Variants in MACROD2 observed in about 807,000 individuals in gnomAD.
MACROD2 encodes ADP-ribose glycohydrolase MACROD2.
In MACROD2, 36 loss-of-function variants were observed where a neutral mutation model predicts 70.4. The ratio of observed to expected loss-of-function variants is 0.51; its 90% confidence interval spans 0.39 to 0.68. The LOEUF is 0.68. Ranked by LOEUF, MACROD2 falls within the 30% of genes least tolerant of loss-of-function variation. The pLI, the probability that MACROD2 is intolerant of heterozygous loss-of-function variation, is 0.00. For missense variants in MACROD2, 496 were observed against 538.4 expected (o/e 0.92, Z 0.78); for synonymous variants, 172 against 178.8 (o/e 0.96, Z 0.30).
intron 5 of MACROD2, among the ~76,000 whole-genome samples, chr20:14,960,616 G>A (rs1483499146): frequency 6.6e-6 from 1 of 152,026 alleles, no homozygotes; most frequent in African/African-American, 2.4e-5. Flanking sequence ...TCAATTCTCA[G>A]CCTAGATCCA....
At chr20:16,003,348 C>CTGTGTGTGTG (rs11472125) in intron 15 of MACROD2, among the ~76,000 whole-genome samples, 1 of 150,360 alleles carries the variant, frequency 6.7e-6, no homozygotes, top group Admixed American at 6.6e-5. Flanking sequence ...AGTTTGAACC[C>CTGTGTGTGTG]TGTGTGTGTG....
chr20:15,111,164 TTTGTTTTTGTTTG>T (rs963072493), intron 5 of MACROD2, among the ~76,000 whole-genome samples: 24 of 111,730 alleles, frequency 2.1e-4, no homozygotes, highest in African/African-American at 7.9e-4. Flanking sequence ...TTTTTGTTTG[TTTGTTTTTGTTTG>T]TTTTTTTTTT....
intron 5 of MACROD2, among the ~76,000 whole-genome samples, chr20:15,131,786 A>T (rs1027628225): frequency 6.6e-6 from 1 of 152,058 alleles, no homozygotes; most frequent in African/African-American, 2.4e-5. Flanking sequence ...GAGGCAATCC[A>T]TGTAGAAGCT....
rs536484152 is a variant in MACROD2 at position 15,657,601 on chromosome 20, T to G, written c.645+157754T>G. Among the ~76,000 whole-genome samples, 4 of 152,260 alleles carry G rather than the reference T, an allele frequency of 2.6e-5. No homozygotes were observed. In the South Asian group the frequency reaches 8.3e-4, roughly 32 times the overall value. The stretch of plus-strand genomic sequence containing the variant: ...TAAAAATGTATGTGAAGATCAAAAT[T>G]TATATTGTGCTTAATGATTAAATGG... On this transcript the variant is annotated intron_variant, in intron 8 of 17. Transcript: ENST00000684519.
At chr20:15,958,657 G>C (rs1449638022) in intron 12 of MACROD2, among the ~76,000 whole-genome samples, 1 of 152,186 alleles carries the variant, frequency 6.6e-6, no homozygotes, top group Non-Finnish European at 1.5e-5. Flanking sequence ...GCATATGTCA[G>C]TGCTGTGGAC....
intron 5 of MACROD2, among the ~76,000 whole-genome samples, chr20:14,868,188 C>CT (rs202237692): frequency 0.014 from 1,996 of 144,066 alleles, 51 homozygotes; most frequent in African/African-American, 0.045. Flanking sequence ...TTTTTTCTTT[C>CT]TTTCTTTTTT....
At chr20:14,003,609 C>T (rs2052767290) in intron 2 of MACROD2, 7 of 448,526 alleles carry the variant, frequency 1.6e-5, no homozygotes, top group Non-Finnish European at 1.3e-5. Context: ...TCATGGAACC[C>T]AAAGATGATT....
intron 6 of MACROD2, among the ~76,000 whole-genome samples, chr20:15,335,432 T>C (rs899118027): frequency 6.6e-6 from 1 of 151,654 alleles, no homozygotes; most frequent in African/African-American, 2.4e-5. Flanking sequence ...TCTTTATGTC[T>C]GTTAAAATAC....
chr20:14,083,917 C>T (rs1021526831), intron 2 of MACROD2, among the ~76,000 whole-genome samples: 12 of 151,650 alleles, frequency 7.9e-5, no homozygotes, highest in Non-Finnish European at 1.5e-4. Flanking sequence ...AAAAACTAGC[C>T]GGGCCTGGTG....
intron 5 of MACROD2, among the ~76,000 whole-genome samples, chr20:14,723,124 C>G (rs1432213201): frequency 6.6e-6 from 1 of 152,074 alleles, no homozygotes; most frequent in Non-Finnish European, 1.5e-5. Context: ...GTCATTCCAG[C>G]ACATACACAA....
At chr20:14,623,087 C>A (rs1983925243) in intron 4 of MACROD2, 1 of 151,644 alleles carries the variant, frequency 6.6e-6, no homozygotes, top group Non-Finnish European at 1.5e-5. Context: ...GCCACAGCCC[C>A]TTGTTTTGAT....
chr20:15,060,563 C>A (rs1568554073), intron 5 of MACROD2, among the ~76,000 whole-genome samples: 1 of 152,086 alleles, frequency 6.6e-6, no homozygotes, highest in Non-Finnish European at 1.5e-5. Context: ...GGTGACTTCC[C>A]CCATCTTCCA....
At chr20:15,770,845 A>G (rs111439195) in intron 8 of MACROD2, among the ~76,000 whole-genome samples, 140 of 152,206 alleles carry the variant, frequency 9.2e-4, no homozygotes, top group African/African-American at 3.1e-3. Context: ...CTGGCAAACA[A>G]TACAAACATA....
Position 15,030,534 on chromosome 20 carries a change from C to T in MACROD2, c.419-199406C>T, listed in dbSNP as rs559471077. ...CTAGTTGCCCCAGCAGTCACCTGCCCAGCTGCATACTATTTTATTGGCATC... is the reference window on the plus strand; with the variant it reads ...CTAGTTGCCCCAGCAGTCACCTGCCTAGCTGCATACTATTTTATTGGCATC... On this transcript the variant is annotated intron_variant, in intron 5 of 17. Coordinates refer to ENST00000684519, the MANE Select transcript of MACROD2 (RefSeq NM_001351661.2). Among the ~76,000 whole-genome samples, 51 of 152,294 alleles carry T rather than the reference C, an allele frequency of 3.3e-4. 1 individual carries two copies. The South Asian group carries it at 6.6e-3, about 20-fold the overall frequency.
chr20:14,975,524 G>A (rs554931017), intron 5 of MACROD2, among the ~76,000 whole-genome samples: 1 of 152,076 alleles, frequency 6.6e-6, no homozygotes, highest in Non-Finnish European at 1.5e-5. Context: ...ATTTGCTTGA[G>A]GACAGAGAGA....
rs994554869 is a variant in MACROD2, at chr20:14,805,120, C to A, written c.418+120161C>A. Among the ~76,000 whole-genome samples, 4 of 151,888 alleles carry A rather than the reference C, an allele frequency of 2.6e-5. 1 individual carries two copies. The highest frequency in any genetic ancestry group is 5.9e-5 in the Non-Finnish European group (4 of 67,948). On this transcript the variant is annotated intron_variant, in intron 5 of 17. Transcript: ENST00000684519. ...AGGGGAGAGAGTTCATTGCTTCTAC[C>A]AGATTCTCAAAGGGAAATATGAAAT...
intron 3 of MACROD2, among the ~76,000 whole-genome samples, chr20:14,142,540 G>T (rs1034521243): frequency 1.3e-5 from 2 of 152,108 alleles, no homozygotes; most frequent in African/African-American, 4.8e-5. Context: ...CTAGATGCCC[G>T]AGCTGTATGT....
At chr20:14,037,573 A>G (rs1446037724) in intron 2 of MACROD2, among the ~76,000 whole-genome samples, 1 of 152,188 alleles carries the variant, frequency 6.6e-6, no homozygotes, top group Non-Finnish European at 1.5e-5. Flanking sequence ...AAAGGAATGG[A>G]TATTTTATTT....
At chr20:14,833,197 G>A (rs1268663261) in intron 5 of MACROD2, among the ~76,000 whole-genome samples, 4 of 152,128 alleles carry the variant, frequency 2.6e-5, no homozygotes, top group East Asian at 1.9e-4. Context: ...ATGTTCAGGC[G>A]TTTATCACTA....
Sources: allele counts gnomAD v4.1 joint callset (sites outside exome capture counted in the v4.1 genomes callset), GRCh38; gene constraint gnomAD v4.1.1; transcripts MANE v1.5; gene names NCBI Gene and HGNC (gene_info 2026-07-23, HGNC 2026-07-21).